SLIT2: variants seen among roughly 807,000 people sequenced by gnomAD.
SLIT2 encodes the protein slit guidance ligand 2.
SLIT2 carries 41 observed loss-of-function variants against 185.7 expected under a neutral mutation model. The observed-to-expected ratio is 0.22, with a 90% confidence interval of 0.17 to 0.29. The LOEUF is 0.29. SLIT2 is among the 10% of genes least tolerant of loss of function. SLIT2 has a pLI of 1.00. For missense variants in SLIT2, 1,571 were observed against 1,909.0 expected (o/e 0.82, Z 3.30); for synonymous variants, 693 against 680.2 (o/e 1.02, Z -0.29).
At chr4:20,594,663 C>G (rs966010224) in intron 30 of SLIT2, among the ~76,000 whole-genome samples, 9 of 152,106 alleles carry the variant, frequency 5.9e-5, no homozygotes, top group Non-Finnish European at 8.8e-5. Context: ...AATCCTGCAT[C>G]CTTGGTATCA....
intron 4 of SLIT2, among the ~76,000 whole-genome samples, chr4:20,463,382 A>C (rs1713931580): frequency 7.0e-6 from 1 of 143,678 alleles, no homozygotes; most frequent in Non-Finnish European, 1.5e-5. Flanking sequence ...TGTGTCCTTG[A>C]TTATCTTTCT....
intron 26 of SLIT2, among the ~76,000 whole-genome samples, chr4:20,557,173 C>T (rs756574420): frequency 6.6e-6 from 1 of 152,024 alleles, no homozygotes; most frequent in African/African-American, 2.4e-5. Context: ...CAGCAAGTTA[C>T]CCAGAAGATC....
At position 20,429,946 on chromosome 4, in the gene SLIT2, C is replaced by G. The variant is rs561079959; in HGVS notation, c.396-37806C>G. Among the ~76,000 whole-genome samples the G allele has an allele frequency of 2.0e-5, 3 of 152,112 alleles. No homozygotes were observed. In the South Asian group the frequency reaches 6.2e-4, roughly 32 times the overall value. On this transcript the variant is annotated intron_variant, in intron 4 of 36. Transcript: ENST00000504154. ...AGTATTAAAATCAATCTATGATGTT[C>G]TAAATAAATAAGGATAACAAATTAT...
intron 29 of SLIT2, among the ~76,000 whole-genome samples, chr4:20,579,052 T>G (rs932855744): frequency 6.6e-6 from 1 of 152,002 alleles, no homozygotes; most frequent in Non-Finnish European, 1.5e-5. Context: ...TCCTGGCACT[T>G]TGGGAGGCCG....
At chr4:20,458,617 C>T (rs535927509) in intron 4 of SLIT2, among the ~76,000 whole-genome samples, 1 of 152,276 alleles carries the variant, frequency 6.6e-6, no homozygotes, top group South Asian at 2.1e-4. Context: ...AACCACAGCT[C>T]CAGGGTGATT....
intron 32 of SLIT2, among the ~76,000 whole-genome samples, chr4:20,597,875 G>C (rs533189483): frequency 1.3e-5 from 2 of 152,348 alleles, no homozygotes; most frequent in South Asian, 4.1e-4. Context: ...TGGCATAACT[G>C]TGAAGAATTT....
At chr4:20,333,033 GT>G (rs1720198477) in intron 4 of SLIT2, among the ~76,000 whole-genome samples, 1 of 152,006 alleles carries the variant, frequency 6.6e-6, no homozygotes, top group African/African-American at 2.4e-5. Flanking sequence ...GAAAATTTTA[GT>G]ATATTTAAGA....
intron 4 of SLIT2, among the ~76,000 whole-genome samples, chr4:20,316,037 C>A (rs1718545638): frequency 6.6e-6 from 1 of 151,954 alleles, no homozygotes; most frequent in Admixed American, 6.6e-5. Context: ...ACAATAAAGT[C>A]ACCTCCCTCT....
chr4:20,604,838 A>ATT (rs780230047), intron 33 of SLIT2, among the ~76,000 whole-genome samples: 39 of 141,886 alleles, frequency 2.7e-4, no homozygotes, highest in Non-Finnish European at 1.7e-4. Context: ...AGATACTTTA[A>ATT]TTTTTTTTTT....
At chr4:20,410,243 C>CTTTTTTTTTTTTTTTTTT (rs1160985126) in intron 4 of SLIT2, among the ~76,000 whole-genome samples, 3 of 69,052 alleles carry the variant, frequency 4.3e-5, no homozygotes, top group Non-Finnish European at 5.4e-5. Context: ...TCTTTCTTTT[C>CTTTTTTTTTTTTTTTTTT]TTTTTTTTTT....
At chr4:20,390,575 C>T (rs567079172) in intron 4 of SLIT2, among the ~76,000 whole-genome samples, 7 of 151,980 alleles carry the variant, frequency 4.6e-5, no homozygotes, top group Admixed American at 1.3e-4. Flanking sequence ...ATGGCACTGT[C>T]GGCCTGCTGC....
chr4:20,585,246 C>A (rs1726960982), intron 29 of SLIT2, among the ~76,000 whole-genome samples: 2 of 152,180 alleles, frequency 1.3e-5, no homozygotes, highest in Non-Finnish European at 2.9e-5. Flanking sequence ...TAACCATAGA[C>A]CCCTTGATGG....
intron 4 of SLIT2, among the ~76,000 whole-genome samples, chr4:20,467,449 G>A (rs911738450): frequency 3.3e-5 from 5 of 151,902 alleles, no homozygotes; most frequent in Non-Finnish European, 7.4e-5. Context: ...ATTCTTTAAA[G>A]AAATGTTTTT....
chr4:20,541,412 AC>A (rs1366398252), intron 19 of SLIT2, 40 bp from the exon 20 acceptor site: 2 of 1,587,938 alleles, frequency 1.3e-6, no homozygotes, highest in Non-Finnish European at 1.7e-6. Context: ...AGAAGATGAA[AC>A]CCCAGGCTAA....
rs1722797560 is a variant in SLIT2 at position 20,541,481 on chromosome 4, A to T, written c.2005A>T (p.Asn669Tyr). The stretch of plus-strand genomic sequence containing the variant: ...CCTCTTGGCCAATCCTTTTAACTGT[A>T]ACTGCTACCTGGCTTGGTTGGGAGA... ...LNLLANPFNC[N>Y]CYLAWLGEWL... Residue 669 changes from asparagine to tyrosine, a missense_variant, in exon 20 of 37, where the codon AAC becomes TAC. Physicochemically the swap from Asn to Tyr is moderately radical, Grantham distance 143. Transcript: ENST00000504154. 5 of 1,613,862 alleles carry T rather than the reference A, an allele frequency of 3.1e-6. No individual in the cohort carries two copies. The highest frequency in any genetic ancestry group is 2.7e-5 in the African/African-American group (2 of 74,906).
At chr4:20,346,673 G>C (rs1440353451) in intron 4 of SLIT2, among the ~76,000 whole-genome samples, 1 of 152,200 alleles carries the variant, frequency 6.6e-6, no homozygotes, top group Non-Finnish European at 1.5e-5. Context: ...TGGTGGATCA[G>C]TCCAAGTCCC....
chr4:20,541,469 C>G lies in SLIT2; in HGVS notation c.1993C>G (p.Pro665Ala). Residue 665 changes from proline (P) to alanine (A), a missense_variant, in exon 20 of 37, where the codon CCT becomes GCT. Pro to Ala is a conservative substitution (Grantham distance 27). Coordinates refer to ENST00000504154, the MANE Select transcript of SLIT2 (RefSeq NM_004787.4). ...SLSTLNLLAN[P>A]FNCNCYLAWL... ...GGCTCTTAGAAACCTCTTGGCCAAT[C>G]CTTTTAACTGTAACTGCTACCTGGC... 1.2e-6 allele frequency: 2 copies of G among 1,613,920 alleles called. No individual in the cohort carries two copies. The highest frequency in any genetic ancestry group is 1.7e-6 in the Non-Finnish European group (2 of 1,179,908).
chr4:20,551,766 A>C (rs1202612617), intron 25 of SLIT2, among the ~76,000 whole-genome samples: 1 of 152,146 alleles, frequency 6.6e-6, no homozygotes, highest in Non-Finnish European at 1.5e-5. Context: ...GAAAACCCAC[A>C]AACTCCAAGA....
At chr4:20,430,272 C>T (rs1435739597) in intron 4 of SLIT2, among the ~76,000 whole-genome samples, 1 of 152,144 alleles carries the variant, frequency 6.6e-6, no homozygotes, top group Admixed American at 6.6e-5. Context: ...CAGGCTCATG[C>T]TTAGCTATGT....
Sources: allele counts gnomAD v4.1 joint callset (sites outside exome capture counted in the v4.1 genomes callset), GRCh38; gene constraint gnomAD v4.1.1; transcripts MANE v1.5; gene names NCBI Gene and HGNC (gene_info 2026-07-23, HGNC 2026-07-21).